The following ADAM32 variants were observed in gnomAD, a reference collection of about 807,000 sequenced individuals.
ADAM32 encodes the protein disintegrin and metalloproteinase domain-containing protein 32.
In ADAM32, 89 loss-of-function variants were observed where a neutral mutation model predicts 114.9. The ratio of observed to expected loss-of-function variants is 0.77; its 90% CI spans 0.65 to 0.92. ADAM32 has a LOEUF of 0.92. ADAM32 is among the 40% of genes least tolerant of loss of function. ADAM32 has a pLI of 0.00. For missense variants in ADAM32, 870 were observed against 932.8 expected, an observed-to-expected ratio of 0.93 and a Z score of 0.88; for synonymous variants, 285 against 307.5, an observed-to-expected ratio of 0.93 and a Z score of 0.77.
intron 14 of ADAM32, among the ~76,000 whole-genome samples, chr8:39,226,632 G>T (rs1204867535): frequency 7.0e-6 from 1 of 143,860 alleles, no homozygotes; most frequent in East Asian, 2.0e-4. Context: ...CGTGCTGAAA[G>T]AAAAAAAAAA....
intron 19 of ADAM32, among the ~76,000 whole-genome samples, chr8:39,263,773 G>A (rs1812188477): frequency 6.6e-6 from 1 of 152,086 alleles, no homozygotes; most frequent in Non-Finnish European, 1.5e-5. Context: ...TCAGAACTTT[G>A]TATAAATGGA....
upstream of ADAM32, chr8:39,107,674 C>T (rs755971309): frequency 1.2e-5 from 18 of 1,537,562 alleles, 1 homozygote; most frequent in South Asian, 2.2e-4. Flanking sequence ...AACGCTGTCC[C>T]ATGAACGTGC....
At chr8:39,229,163 C>T (rs565180175) in intron 14 of ADAM32, among the ~76,000 whole-genome samples, 4 of 152,322 alleles carry the variant, frequency 2.6e-5, no homozygotes, top group South Asian at 4.1e-4. Flanking sequence ...GCCACCACTA[C>T]AAGAACTGCT....
intron 16 of ADAM32, among the ~76,000 whole-genome samples, chr8:39,245,602 A>G (rs1810865028): frequency 6.6e-6 from 1 of 152,166 alleles, no homozygotes; most frequent in African/African-American, 2.4e-5. Context: ...GTGAGGACAT[A>G]GGGAGAAGGC....
At chr8:39,243,053 G>A (rs1810666584) in intron 16 of ADAM32, among the ~76,000 whole-genome samples, 1 of 151,890 alleles carries the variant, frequency 6.6e-6, no homozygotes, top group African/African-American at 2.4e-5. Flanking sequence ...TAAATTCCTG[G>A]AAATATACAA....
chr8:39,173,649 A>G (rs1805330253), intron 10 of ADAM32, among the ~76,000 whole-genome samples: 1 of 152,172 alleles, frequency 6.6e-6, no homozygotes, highest in African/African-American at 2.4e-5. Flanking sequence ...TTTGCTCTGC[A>G]GAAGCTCTTC....
At chr8:39,160,268 C>A (rs375951209) in intron 6 of ADAM32, among the ~76,000 whole-genome samples, 2 of 152,296 alleles carry the variant, frequency 1.3e-5, no homozygotes, top group East Asian at 3.9e-4. Flanking sequence ...GAAAGGAGCG[C>A]GGTGGCTCAC....
intron 19 of ADAM32, among the ~76,000 whole-genome samples, chr8:39,264,391 G>T (rs1417164154): frequency 6.6e-6 from 1 of 152,052 alleles, no homozygotes; most frequent in African/African-American, 2.4e-5. Context: ...ATTTCTGTGG[G>T]GTCAGAGGTA....
At chr8:39,172,265 T>G (rs989917288) in intron 10 of ADAM32, among the ~76,000 whole-genome samples, 1 of 152,186 alleles carries the variant, frequency 6.6e-6, no homozygotes, top group Non-Finnish European at 1.5e-5. Context: ...ACTCTTGATT[T>G]TTTTTTTAAC....
intron 5 of ADAM32, 21 bp downstream of exon 5, chr8:39,149,888 A>G: frequency 6.4e-7 from 1 of 1,574,360 alleles, no homozygotes; most frequent in African/African-American, 1.4e-5. Context: ...GTTGTTGATT[A>G]CAGAACACCT....
intron 19 of ADAM32, among the ~76,000 whole-genome samples, chr8:39,263,439 C>G (rs1812165561): frequency 6.6e-6 from 1 of 152,110 alleles, no homozygotes; most frequent in Non-Finnish European, 1.5e-5. Flanking sequence ...TCTGAACTTC[C>G]TGTACTTTAG....
At chr8:39,212,600 AAT>A (rs1808304358) in intron 12 of ADAM32, among the ~76,000 whole-genome samples, 1 of 152,176 alleles carries the variant, frequency 6.6e-6, no homozygotes, top group African/African-American at 2.4e-5. Context: ...TTTTCCTTTC[AAT>A]ATAGTGTTTT....
chr8:39,174,489 CTTAT>C lies in ADAM32; in HGVS notation c.915+4507_915+4510del, dbSNP rs201028297. 8.3e-3 allele frequency among the ~76,000 whole-genome samples: 1,251 copies of C among 151,060 alleles called. 10 individuals carry two copies. The highest frequency in any genetic ancestry group is 0.013 in the Admixed American group (202 of 15,170). Reference sequence around the variant, plus strand: ...ATGATTTTTTTTTTGCCTCAGTTTCCTTATTTATTTATTTATTTGTTTATTTTTT... The same window carrying C: ...ATGATTTTTTTTTTGCCTCAGTTTCCTTATTTATTTATTTGTTTATTTTTT... On this transcript the variant is annotated intron_variant, in intron 10 of 24. Coordinates refer to ENST00000379907, the MANE Select transcript of ADAM32 (RefSeq NM_145004.7).
chr8:39,188,512 G>A (rs1465840349), intron 11 of ADAM32, among the ~76,000 whole-genome samples: 1 of 151,864 alleles, frequency 6.6e-6, no homozygotes, highest in Non-Finnish European at 1.5e-5. Context: ...GTCACCCAGA[G>A]CCTAAGATTA....
intron 16 of ADAM32, among the ~76,000 whole-genome samples, chr8:39,244,849 A>AT (rs1479708912): frequency 6.6e-6 from 1 of 151,490 alleles, no homozygotes; most frequent in Non-Finnish European, 1.5e-5. Flanking sequence ...TTAAAGTATA[A>AT]TAAAAAAAAG....
At chr8:39,151,654 C>A in intron 6 of ADAM32, 106 bp downstream of exon 6, 1 of 781,922 alleles carries the variant, frequency 1.3e-6, no homozygotes, top group Non-Finnish European at 1.8e-6. Context: ...AGCAAATATC[C>A]TTTCCTTGTG....
At chr8:39,252,463 G>A (rs1811366516) in intron 17 of ADAM32, among the ~76,000 whole-genome samples, 1 of 150,876 alleles carries the variant, frequency 6.6e-6, no homozygotes. Context: ...AATTTATAGT[G>A]ATAAATTCTT....
At chr8:39,232,216 T>C (rs1386837137) in intron 15 of ADAM32, 81 bp downstream of exon 15, 13 of 1,123,110 alleles carry the variant, frequency 1.2e-5, no homozygotes, top group Middle Eastern at 5.8e-4. Context: ...GTGTCATTCA[T>C]TCCAGTGGTT....
intron 14 of ADAM32, among the ~76,000 whole-genome samples, chr8:39,228,515 A>T (rs1809540040): frequency 6.6e-6 from 1 of 152,174 alleles, no homozygotes; most frequent in African/African-American, 2.4e-5. Context: ...TTTTGGACAC[A>T]CTGTTAGAAA....
Sources: gnomAD v4.1 joint callset for allele counts (sites outside exome capture counted in the v4.1 genomes callset) on GRCh38, gnomAD v4.1.1 for gene constraint, MANE v1.5 for transcripts, NCBI Gene and HGNC (gene_info 2026-07-23, HGNC 2026-07-21) for gene names.